SAG: variants seen among roughly 807,000 people sequenced by gnomAD.
The protein encoded by SAG is S-arrestin.
A neutral mutation model predicts 55.0 loss-of-function variants in SAG; 45 were observed. The observed-to-expected ratio is 0.82, with a 90% CI of 0.64 to 1.05. SAG has a LOEUF of 1.05. Ranked by LOEUF, SAG falls within the 50% of genes least tolerant of loss-of-function variation. SAG has a pLI of 0.00. For synonymous variants in SAG, 189 were observed against 197.4 expected (o/e 0.96, Z 0.36); for missense variants, 455 against 512.1 (o/e 0.89, Z 1.08).
At chr2:233,313,543 C>T (rs899891274) in intron 2 of SAG, among the ~76,000 whole-genome samples, 1 of 151,418 alleles carries the variant, frequency 6.6e-6, no homozygotes, top group South Asian at 2.1e-4. Flanking sequence ...CAGGGTCTTA[C>T]TCTGGAGACC....
Position 233,320,589 on chromosome 2 carries a change from G to T in SAG, c.182-41G>T, listed in dbSNP as rs759945369. On this transcript the variant is annotated intron_variant, in intron 4 of 15. Coordinates refer to ENST00000409110, the MANE Select transcript of SAG (RefSeq NM_000541.5). ...TTCCGTCAGTGGTGGTGGGTGCCAG[G>T]CCGAGGGCCAAGTCCGACCCTGCCT... 2.6e-5 allele frequency: 39 copies of T among 1,502,506 alleles called. No individual in the cohort carries two copies. The South Asian group carries it at 4.5e-4, about 17-fold the overall frequency. The allele number at this position is 1,502,506 out of a possible 1,614,324, so 93.1% of individuals were successfully genotyped here.
At position 233,340,409 on chromosome 2, in the gene SAG, T is replaced by C; in HGVS notation, c.1023-46T>C. ...CTCTGAATCATGGGAAAGGGTCGTGTTACCACTGTGACAGTTAACGACAGG... is the reference window on the plus strand; with the variant it reads ...CTCTGAATCATGGGAAAGGGTCGTGCTACCACTGTGACAGTTAACGACAGG... On this transcript the variant is annotated intron_variant, in intron 12 of 15. Transcript: ENST00000409110. This position sits in a 1 kb window ranked among gnomAD's most constrained non-coding sequence, Gnocchi z 4.2. The C allele has an allele frequency of 6.3e-7, 1 of 1,587,654 alleles. No homozygotes were observed. The highest frequency in any genetic ancestry group is 1.1e-5 in the South Asian group (1 of 88,940).
intron 2 of SAG, among the ~76,000 whole-genome samples, chr2:233,310,505 G>C (rs990173369): frequency 2.2e-5 from 3 of 138,604 alleles, no homozygotes; most frequent in African/African-American, 8.5e-5. Flanking sequence ...CATCATTCTG[G>C]CTTTTTTTTT....
At chr2:233,346,497 G>A in intron 15 of SAG, 85 bp downstream of exon 15, 2 of 1,441,056 alleles carry the variant, frequency 1.4e-6, no homozygotes, top group Non-Finnish European at 2.0e-6. Flanking sequence ...TTGAGTCTTT[G>A]CACATATCCC....
intron 3 of SAG, among the ~76,000 whole-genome samples, chr2:233,317,078 T>A (rs1171208733): frequency 6.6e-6 from 1 of 152,118 alleles, no homozygotes; most frequent in Non-Finnish European, 1.5e-5. Flanking sequence ...CCCAGGCTGG[T>A]CTTGAACTCC....
chr2:233,342,661 G>T (rs1241769469), intron 14 of SAG: 1 of 242,444 alleles, frequency 4.1e-6, no homozygotes, highest in Non-Finnish European at 7.9e-6. Context: ...GATGATTTAG[G>T]TAAAAACTTA....
chr2:233,323,669 A>T (rs140263371), intron 6 of SAG, among the ~76,000 whole-genome samples: 44 of 152,294 alleles, frequency 2.9e-4, no homozygotes, highest in African/African-American at 9.1e-4. Flanking sequence ...GGCCCATTAG[A>T]CTTTTAAAGA....
intron 11 of SAG, among the ~76,000 whole-genome samples, chr2:233,336,850 C>T (rs1700947226): frequency 1.3e-5 from 2 of 152,150 alleles, no homozygotes; most frequent in Non-Finnish European, 1.5e-5. Flanking sequence ...AATCCCAGCA[C>T]TTTAGAAGGC....
intron 14 of SAG, chr2:233,345,409 C>G (rs1190202276): frequency 6.6e-6 from 1 of 152,284 alleles, no homozygotes; most frequent in South Asian, 2.1e-4. Context: ...CCCTGGCGAC[C>G]CTGACCTCAA....
intron 2 of SAG, among the ~76,000 whole-genome samples, chr2:233,314,344 C>T (rs1700161346): frequency 6.6e-6 from 1 of 152,178 alleles, no homozygotes; most frequent in Non-Finnish European, 1.5e-5. Flanking sequence ...AACCCCGAGG[C>T]CCTCAGGGCT....
At chr2:233,321,302 G>A (rs1186575128) in intron 5 of SAG, among the ~76,000 whole-genome samples, 2 of 152,190 alleles carry the variant, frequency 1.3e-5, no homozygotes, top group Non-Finnish European at 2.9e-5. Context: ...TACCAACGGT[G>A]CCAGCGTGCA....
At chr2:233,337,867 G>A (rs1005502073) in intron 11 of SAG, among the ~76,000 whole-genome samples, 5 of 152,154 alleles carry the variant, frequency 3.3e-5, no homozygotes, top group African/African-American at 1.2e-4. Flanking sequence ...CCTCCGCGTT[G>A]GATCCCACGC....
intron 9 of SAG, among the ~76,000 whole-genome samples, chr2:233,331,151 T>C (rs1001458946): frequency 3.9e-5 from 6 of 152,190 alleles, no homozygotes; most frequent in African/African-American, 1.4e-4. Context: ...ACCCCCATTT[T>C]ACTGATGGGG....
At chr2:233,318,858 T>G (rs756479727) in intron 4 of SAG, 63 bp downstream of exon 4, 24 of 1,432,868 alleles carry the variant, frequency 1.7e-5, no homozygotes, top group Non-Finnish European at 2.3e-5. Flanking sequence ...TCTGGGCGGC[T>G]CTGGGAAGGG....
chr2:233,338,441 C>T, intron 11 of SAG: 1 of 553,858 alleles, frequency 1.8e-6, no homozygotes, highest in East Asian at 3.0e-5. Context: ...GTTGCATGCT[C>T]TGCCCTCTGG....
At chr2:233,332,984 A>ATGG (rs1700814993) in intron 10 of SAG, 1 of 149,672 alleles carries the variant, frequency 6.7e-6, no homozygotes, top group South Asian at 2.1e-4. Context: ...TTTAGTAGAG[A>ATGG]CAGGGTTTCA....
chr2:233,330,857 T>C lies in SAG; in HGVS notation c.734-783T>C, dbSNP rs184778908. Among the ~76,000 whole-genome samples the C allele has an allele frequency of 9.9e-5, 15 of 152,200 alleles. No homozygotes were observed. The Middle Eastern group carries it at 0.01, about 104-fold the overall frequency. Reference sequence around the variant, plus strand: ...AGCTGTTAACTTTTTAAAAACAAAATATTAATTGCTTTCTATAGGCTGGGC... The same window carrying C: ...AGCTGTTAACTTTTTAAAAACAAAACATTAATTGCTTTCTATAGGCTGGGC... On this transcript the variant is annotated intron_variant, in intron 9 of 15. Coordinates refer to ENST00000409110, the MANE Select transcript of SAG (RefSeq NM_000541.5).
intron 9 of SAG, among the ~76,000 whole-genome samples, chr2:233,329,936 A>G (rs138096327): frequency 0.012 from 1,809 of 152,302 alleles, 37 homozygotes; most frequent in African/African-American, 0.042. Flanking sequence ...CTGTGATCCC[A>G]GCTGGCATCC....
chr2:233,314,315 G>A (rs1485312448), intron 2 of SAG, among the ~76,000 whole-genome samples: 1 of 152,102 alleles, frequency 6.6e-6, no homozygotes, highest in Admixed American at 6.5e-5. Context: ...TAAGGGATGA[G>A]GGATCGCACA....
Sources: allele counts gnomAD v4.1 joint callset (sites outside exome capture counted in the v4.1 genomes callset), GRCh38; gene constraint gnomAD v4.1.1; non-coding constraint Gnocchi (gnomAD v3.1); transcripts MANE v1.5; gene names NCBI Gene and HGNC (gene_info 2026-07-23, HGNC 2026-07-21).